Variants in FASTKD3 observed in about 807,000 individuals in gnomAD.
FASTKD3 encodes FAST kinase domains 3, also known as FAST kinase domain-containing protein 3, mitochondrial.
FASTKD3 carries 47 observed loss-of-function variants against 49.7 expected under a neutral mutation model. The ratio of observed to expected loss-of-function variants is 0.95; its 90% CI spans 0.75 to 1.21. FASTKD3 has a LOEUF of 1.21. Ranked by LOEUF, FASTKD3 falls within the 50% of genes most tolerant of loss-of-function variation. The probability of loss-of-function intolerance (pLI) is 0.00; values close to 1 mark genes in which losing one functional copy is unlikely to be tolerated. For missense variants in FASTKD3, 748 were observed against 765.7 expected (o/e 0.98, Z 0.27); for synonymous variants, 284 against 288.6 (o/e 0.98, Z 0.16).
chr5:7,867,534 C>G lies in FASTKD3; in HGVS notation c.550G>C (p.Ala184Pro). ...GGATCCACATGCAACAGAATCAGAG[C>G]TTGCAAAGCAGTCACTAAACTAGTG... is the stretch of plus-strand genomic sequence containing the variant. The part of the protein sequence containing the change: ...SNTSLVTALQ[A>P]LILLHVDPQS... The change falls in exon 2 of 7, where the codon GCT becomes CCT. Residue 184 changes from alanine (A) to proline (P), a missense_variant. Ala to Pro is a conservative substitution (Grantham distance 27, BLOSUM62 -1). Coordinates refer to ENST00000264669, the MANE Select transcript of FASTKD3 (RefSeq NM_024091.4). The G allele has an allele frequency of 2.5e-6, 4 of 1,614,272 alleles. No individual in the cohort carries two copies. The highest frequency in any genetic ancestry group is 3.4e-6 in the Non-Finnish European group (4 of 1,180,050).
At position 7,866,657 on chromosome 5, in the gene FASTKD3, T is replaced by C; in HGVS notation, c.1427A>G (p.Gln476Arg). 6.3e-7 allele frequency: 1 copy of C among 1,584,400 alleles called. No homozygotes were observed. Among genetic ancestry groups the C allele is most frequent in the Non-Finnish European group, 8.6e-7 (1 of 1,168,076 alleles). The change falls in exon 2 of 7, where the codon CAA (glutamine) becomes CGA (arginine). Residue 476 changes from glutamine (Q) to arginine (R), a missense_variant. Gln to Arg is a conservative substitution (Grantham distance 43, BLOSUM62 1). Around this residue, in one of 3 missense-constraint regions of FASTKD3, gnomAD observed 564 missense variants for 562.8 expected, o/e 1.00. Coordinates refer to ENST00000264669, the MANE Select transcript of FASTKD3 (RefSeq NM_024091.4). ...TATAACCAACTCACCTTGCAGCCGT[T>C]GAAGGAAAAGAGGCTTGAATATTTT... ...LAKIFKPLFLQRLQGKESHLD... is the reference protein window; with the variant it reads ...LAKIFKPLFLRRLQGKESHLD...
intron 6 of FASTKD3, among the ~76,000 whole-genome samples, chr5:7,860,159 A>G (rs1746432576): frequency 6.6e-6 from 1 of 152,222 alleles, no homozygotes; most frequent in African/African-American, 2.4e-5. Context: ...GAAACATTGA[A>G]GCTTCTGAGT....
rs1747091057 is a variant in FASTKD3, at chr5:7,867,626, A to G, written c.458T>C (p.Ile153Thr). ...KDGDQGLPKE[I>T]LENSIFQALC... Reference sequence around the variant, plus strand: ...AGCTTGAAAGATGCTATTCTCCAGTATTTCTTTTGGCAGCCCTTGATCACC... The same window carrying G: ...AGCTTGAAAGATGCTATTCTCCAGTGTTTCTTTTGGCAGCCCTTGATCACC... The change falls in exon 2 of 7, where the codon ATA becomes ACA. Residue 153 changes from isoleucine (I) to threonine (T), a missense_variant. Ile to Thr is a moderately conservative substitution (Grantham distance 89). Coordinates refer to ENST00000264669, the MANE Select transcript of FASTKD3 (RefSeq NM_024091.4). 6.2e-7 allele frequency: 1 copy of G among 1,614,104 alleles called. No individual in the cohort carries two copies. The highest frequency in any genetic ancestry group is 8.5e-7 in the Non-Finnish European group (1 of 1,180,052).
rs752920388 is a variant in FASTKD3 at position 7,866,638 on chromosome 5, C to T, written c.1438+8G>A. On this transcript the variant is annotated splice_region_variant and intron_variant, in intron 2 of 6. Coordinates refer to ENST00000264669, the MANE Select transcript of FASTKD3 (RefSeq NM_024091.4). ...TTTTCCAACTGTCAGAATTTATAAC[C>T]AACTCACCTTGCAGCCGTTGAAGGA... is the stretch of plus-strand genomic sequence containing the variant. 6.4e-7 allele frequency: 1 copy of T among 1,559,114 alleles called. No homozygotes were observed. The highest frequency in any genetic ancestry group is 2.0e-5 in the Admixed American group (1 of 49,938).
chr5:7,863,198 G>A (rs1746678707), intron 3 of FASTKD3: 1 of 556,350 alleles, frequency 1.8e-6, no homozygotes, highest in Non-Finnish European at 3.1e-6. Context: ...AGTTCAAAAT[G>A]TCTTTTATAT....
chr5:7,864,969 C>T (rs889520491), intron 3 of FASTKD3, among the ~76,000 whole-genome samples: 1 of 152,084 alleles, frequency 6.6e-6, no homozygotes, highest in African/African-American at 2.4e-5. Flanking sequence ...TTGCAAAAAC[C>T]TCCAAGTGCA....
Position 7,865,012 on chromosome 5 carries a change from G to A in FASTKD3, c.1524+886C>T, listed in dbSNP as rs982724082. On this transcript the variant is annotated intron_variant, in intron 3 of 6. Transcript: ENST00000264669. ...TAGAATAAACACCATGAAATATCAT[G>A]CCTTTCTAAAAAGAATGCATGTGAT... 7.2e-5 allele frequency among the ~76,000 whole-genome samples: 11 copies of A among 152,262 alleles called. No individual in the cohort carries two copies. The East Asian group carries it at 1.7e-3, about 24-fold the overall frequency.
Position 7,867,251 on chromosome 5 carries a change from T to C in FASTKD3, c.833A>G (p.Asn278Ser). 1 of 1,613,998 alleles carries C rather than the reference T, an allele frequency of 6.2e-7. No homozygotes were observed. Among genetic ancestry groups the C allele is most frequent in the South Asian group, 1.1e-5 (1 of 91,084 alleles). The change falls in exon 2 of 7, where the codon AAT (asparagine) becomes AGT (serine). Residue 278 changes from asparagine (N) to serine (S), a missense_variant. Physicochemically the swap from Asn to Ser is conservative, Grantham distance 46 (BLOSUM62 1). Around this residue, in one of 3 missense-constraint regions of FASTKD3, gnomAD observed 564 missense variants for 562.8 expected, o/e 1.00. Transcript: ENST00000264669. ...EKVDEHQTFL[N>S]KINNFSLSIV... ...TGATAGGGAAAAGTTGTTTATCTTA[T>C]TTAAAAATGTTTGGTGTTCATCCAC...
In FASTKD3 at chr5:7,867,549, C is replaced by CA. The variant is rs1476511661; in HGVS notation, c.534_535insT (p.Val179CysfsTer17). On this transcript the variant is annotated frameshift_variant, in exon 2 of 7. Transcript: ENST00000264669. LOFTEE classifies it high-confidence loss of function. ...AGAATCAGAGCTTGCAAAGCAGTCACTAAACTAGTGTTTGACAGCTGTGAG... is the reference window on the plus strand; with the variant it reads ...AGAATCAGAGCTTGCAAAGCAGTCACATAAACTAGTGTTTGACAGCTGTGAG... 6 of 1,614,126 alleles carry CA rather than the reference C, an allele frequency of 3.7e-6. No individual in the cohort carries two copies. The highest frequency in any genetic ancestry group is 1.6e-4 in the Middle Eastern group (1 of 6,084).
At chr5:7,866,494 G>A (rs1746959101) in intron 2 of FASTKD3, 152 bp downstream of exon 2, 2 of 645,594 alleles carry the variant, frequency 3.1e-6, no homozygotes, top group African/African-American at 3.6e-5. Context: ...CTTTAACTGT[G>A]TTTATGCCAG....
In FASTKD3 at chr5:7,867,911, T is replaced by G; in HGVS notation, c.173A>C (p.His58Pro). The G allele has an allele frequency of 1.2e-6, 2 of 1,614,146 alleles. No homozygotes were observed. The highest frequency in any genetic ancestry group is 1.7e-6 in the Non-Finnish European group (2 of 1,180,030). The change falls in exon 2 of 7, where the codon CAT becomes CCT. Residue 58 changes from histidine to proline, a missense_variant. By Grantham distance (77) the His-to-Pro change is moderately conservative. Coordinates refer to ENST00000264669, the MANE Select transcript of FASTKD3 (RefSeq NM_024091.4). ...ATGAAACTTTTTACAATGGGCATGA[T>G]GGAATTTGACCCCGAAAGGCTCAGG... ...RQPEPFGVKF[H>P]HAHCKKFHSK...
Position 7,867,075 on chromosome 5 carries a change from C to G in FASTKD3, c.1009G>C (p.Val337Leu). The G allele has an allele frequency of 6.2e-7, 1 of 1,614,186 alleles. No individual in the cohort carries two copies. Among genetic ancestry groups the G allele is most frequent in the Non-Finnish European group, 8.5e-7 (1 of 1,180,046 alleles). ...CCAAAATATATGAACGCCTCCAAGA[C>G]TCTCCTAAGCTCCTCGTTAGTGAAA... Reference protein sequence around the residue: ...PHFTNEELRRVLEAFIYFGHH... With the variant: ...PHFTNEELRRLLEAFIYFGHH... Residue 337 changes from valine (V) to leucine (L), a missense_variant, in exon 2 of 7, where the codon GTC (valine) becomes CTC (leucine). By Grantham distance (32) the Val-to-Leu change is conservative. This residue lies in a region of FASTKD3 where 564 missense variants were observed against 562.8 expected (regional missense o/e 1.00). Coordinates refer to ENST00000264669, the MANE Select transcript of FASTKD3 (RefSeq NM_024091.4).
chr5:7,865,635 G>A (rs528848534), intron 3 of FASTKD3, among the ~76,000 whole-genome samples: 3 of 152,146 alleles, frequency 2.0e-5, no homozygotes, highest in Non-Finnish European at 4.4e-5. Context: ...CCTTCAGAGA[G>A]AATGGAGAAA....
rs560390468 is a variant in FASTKD3 at position 7,867,520 on chromosome 5, C to T, written c.564G>A (p.Leu188=). 6.2e-7 allele frequency: 1 copy of T among 1,614,236 alleles called. No homozygotes were observed. The highest frequency in any genetic ancestry group is 2.2e-5 in the East Asian group (1 of 44,892). The part of the protein sequence containing the change: ...LVTALQALIL[L]HVDPQSSLLL... ...ACAGGCTACTTTGAGGATCCACATGCAACAGAATCAGAGCTTGCAAAGCAG... is the reference window on the plus strand; with the variant it reads ...ACAGGCTACTTTGAGGATCCACATGTAACAGAATCAGAGCTTGCAAAGCAG... Residue 188 remains leucine, a synonymous_variant, in exon 2 of 7, where the codon TTG becomes TTA. Transcript: ENST00000264669.
chr5:7,863,752 T>G (rs1412583976), intron 3 of FASTKD3, among the ~76,000 whole-genome samples: 1 of 152,232 alleles, frequency 6.6e-6, no homozygotes, highest in Non-Finnish European at 1.5e-5. Context: ...TGACAGATGC[T>G]AATAAATTCC....
rs747406408 is a variant in FASTKD3, at chr5:7,867,037, T to C, written c.1047A>G (p.Thr349=). Residue 349 remains threonine, a synonymous_variant, in exon 2 of 7, where the codon ACA becomes ACG. Coordinates refer to ENST00000264669, the MANE Select transcript of FASTKD3 (RefSeq NM_024091.4). ...GATGCTCTAGGGCTTTTGTAAAAAA[T>C]GTGTCATGGTGCCCAAAATATATGA... The part of the protein sequence containing the change: ...EAFIYFGHHD[T]FFTKALEHRV... 8.1e-6 allele frequency: 13 copies of C among 1,614,022 alleles called. No homozygotes were observed. In the East Asian group the frequency reaches 2.9e-4, roughly 36 times the overall value.
chr5:7,864,463 G>A (rs1037177949), intron 3 of FASTKD3, among the ~76,000 whole-genome samples: 2 of 152,000 alleles, frequency 1.3e-5, no homozygotes, highest in African/African-American at 4.8e-5. Context: ...TACATCATAA[G>A]TAATATTAAA....
intron 5 of FASTKD3, 111 bp from the exon 6 acceptor site, chr5:7,861,374 A>G: frequency 3.2e-6 from 2 of 615,778 alleles, no homozygotes; most frequent in Non-Finnish European, 2.6e-6. Flanking sequence ...CTATGTGCCA[A>G]TATTATTTTC....
chr5:7,861,439 GA>G, intron 5 of FASTKD3, 143 bp downstream of exon 5: 1 of 633,712 alleles, frequency 1.6e-6, no homozygotes, highest in African/African-American at 1.9e-5. Flanking sequence ...ATATTACAAG[GA>G]ATTTCCCAAC....
Sources: allele counts gnomAD v4.1 joint callset (sites outside exome capture counted in the v4.1 genomes callset), GRCh38; gene constraint gnomAD v4.1.1; regional missense constraint gnomAD v4.1.1; transcripts MANE v1.5; gene names NCBI Gene and HGNC (gene_info 2026-07-23, HGNC 2026-07-21).